The following CDH13 variants were observed in gnomAD, a reference collection of about 807,000 sequenced individuals.
The protein encoded by CDH13 is cadherin-13.
CDH13 carries 24 observed loss-of-function variants against 63.8 expected under a neutral mutation model. That is an observed-to-expected ratio of 0.38 (90% CI 0.27 to 0.53). The LOEUF is 0.53. CDH13 is among the 20% of genes least tolerant of loss of function. The pLI is 0.85. For missense variants in CDH13, 1,049 were observed against 903.1 expected, an observed-to-expected ratio of 1.16 and a Z score of -2.07; for synonymous variants, 503 against 355.3, an observed-to-expected ratio of 1.42 and a Z score of -4.67.
intron 4 of CDH13, among the ~76,000 whole-genome samples, chr16:83,138,625 A>C (rs1169268659): frequency 6.6e-6 from 1 of 152,232 alleles, no homozygotes; most frequent in Non-Finnish European, 1.5e-5. Context: ...CTGGAAGAGG[A>C]AAAATTGTAA....
chr16:82,838,609 C>T lies in CDH13; in HGVS notation c.46-19753C>T, dbSNP rs150019480. ...CAAATCTCATCTTTCCTCAATTGTG[C>T]CTTCTCTGCATGAGCCTAATTTGAA... On this transcript the variant is annotated intron_variant, in intron 1 of 13. Transcript: ENST00000567109. Among the ~76,000 whole-genome samples the T allele has an allele frequency of 3.6e-3, 541 of 152,256 alleles. 1 individual carries two copies. The highest frequency in any genetic ancestry group is 0.01 in the Middle Eastern group (3 of 294).
intron 4 of CDH13, among the ~76,000 whole-genome samples, chr16:83,209,862 G>A (rs72802221): frequency 7.9e-5 from 12 of 152,010 alleles, no homozygotes; most frequent in South Asian, 4.2e-4. Flanking sequence ...AGTAATCGCC[G>A]GCACCAAGTC....
In CDH13 at chr16:82,913,623, C is replaced by T. The variant is rs375785512; in HGVS notation, c.157+55150C>T. On this transcript the variant is annotated intron_variant, in intron 2 of 13. Coordinates refer to ENST00000567109, the MANE Select transcript of CDH13 (RefSeq NM_001257.5). The stretch of plus-strand genomic sequence containing the variant: ...CCACAGAGGCCAGCAGAGCAGGTAA[C>T]CAGGCACAAGATGCGATCGCTGACG... 3.3e-5 allele frequency among the ~76,000 whole-genome samples: 5 copies of T among 152,196 alleles called. No individual in the cohort carries two copies. The South Asian group carries it at 8.3e-4, about 25-fold the overall frequency.
In CDH13 at chr16:83,486,462, G is replaced by C. The variant is rs1248188054; in HGVS notation, c.782-15G>C. On this transcript the variant is annotated splice_polypyrimidine_tract_variant and intron_variant, in intron 6 of 13. Transcript: ENST00000567109. ...ATTGATAACCATTCCGTGCCTTTCT[G>C]TCTTGCCCCGGTAGGCACCACAGTG... is the stretch of plus-strand genomic sequence containing the variant. The C allele has an allele frequency of 6.2e-7, 1 of 1,607,988 alleles. No individual in the cohort carries two copies. Among genetic ancestry groups the C allele is most frequent in the African/African-American group, 1.3e-5 (1 of 74,872 alleles).
At chr16:83,073,304 C>G (rs971759393) in intron 3 of CDH13, among the ~76,000 whole-genome samples, 2 of 150,816 alleles carry the variant, frequency 1.3e-5, no homozygotes, top group African/African-American at 4.9e-5. Flanking sequence ...AATGGGCTCT[C>G]TCTTTGGGGT....
At chr16:83,359,725 A>G (rs1222058377) in intron 6 of CDH13, among the ~76,000 whole-genome samples, 1 of 152,214 alleles carries the variant, frequency 6.6e-6, no homozygotes, top group Non-Finnish European at 1.5e-5. Context: ...ATTTGTCACA[A>G]ATTTGCAATT....
intron 8 of CDH13, among the ~76,000 whole-genome samples, chr16:83,655,446 A>T (rs774286848): frequency 1.4e-4 from 22 of 152,232 alleles, no homozygotes; most frequent in Non-Finnish European, 2.8e-4. Context: ...GGCACTGAGC[A>T]GAGGCCCGAA....
At chr16:82,937,757 A>G (rs2042716644) in intron 2 of CDH13, among the ~76,000 whole-genome samples, 1 of 152,244 alleles carries the variant, frequency 6.6e-6, no homozygotes. Context: ...CTGTTTGTCC[A>G]CATATAACCT....
At chr16:83,210,445 A>G (rs750173858) in intron 4 of CDH13, among the ~76,000 whole-genome samples, 7 of 152,090 alleles carry the variant, frequency 4.6e-5, no homozygotes, top group Non-Finnish European at 1.0e-4. Context: ...TGCAATTAGG[A>G]CAGGAGATGG....
In CDH13 at chr16:83,014,617, G is replaced by T. The variant is rs868689585; in HGVS notation, c.158-17393G>T. Among the ~76,000 whole-genome samples, 5 of 150,124 alleles carry T rather than the reference G, an allele frequency of 3.3e-5. No homozygotes were observed. The Middle Eastern group carries it at 0.01, about 308-fold the overall frequency. ...GTGGTGGCCCATGCCTGTAATTCTA[G>T]CTACTTGGGAGGCTGAGGCAGGAGA... On this transcript the variant is annotated intron_variant, in intron 2 of 13. Transcript: ENST00000567109.
chr16:83,482,479 G>T (rs118055947), intron 6 of CDH13, among the ~76,000 whole-genome samples: 1 of 152,218 alleles, frequency 6.6e-6, no homozygotes, highest in Non-Finnish European at 1.5e-5. Context: ...CTTGCTTTGC[G>T]GTGTTTGCCA....
chr16:83,315,642 A>T (rs1488357729), intron 5 of CDH13, among the ~76,000 whole-genome samples: 2 of 67,996 alleles, frequency 2.9e-5, no homozygotes, highest in African/African-American at 1.1e-4. Context: ...CTCTGGATTT[A>T]AAAAAAAAAA....
intron 4 of CDH13, among the ~76,000 whole-genome samples, chr16:83,132,074 A>G (rs1350516214): frequency 1.3e-5 from 2 of 152,188 alleles, no homozygotes; most frequent in African/African-American, 4.8e-5. Flanking sequence ...ACCTATGCGA[A>G]TAGGTGCCAA....
intron 1 of CDH13, among the ~76,000 whole-genome samples, chr16:82,712,923 T>C (rs1310474603): frequency 1.3e-5 from 2 of 152,110 alleles, no homozygotes; most frequent in Non-Finnish European, 1.5e-5. Context: ...ACTTGTCCTA[T>C]CTCCTCTCCT....
intron 10 of CDH13, among the ~76,000 whole-genome samples, chr16:83,742,945 T>G (rs1475433188): frequency 6.6e-6 from 1 of 152,182 alleles, no homozygotes; most frequent in Non-Finnish European, 1.5e-5. Flanking sequence ...CGGTGGCTCA[T>G]GCCTGTAATC....
At chr16:83,738,194 C>A (rs1390980778) in intron 10 of CDH13, among the ~76,000 whole-genome samples, 1 of 152,172 alleles carries the variant, frequency 6.6e-6, no homozygotes. Flanking sequence ...TATCCTGTCT[C>A]CCTGCTGGAG....
chr16:83,234,119 GC>G (rs2040080285), intron 5 of CDH13, among the ~76,000 whole-genome samples: 1 of 152,212 alleles, frequency 6.6e-6, no homozygotes. Context: ...ACCCCCAGGG[GC>G]AACCCTAGAT....
At chr16:82,672,768 T>TACACAC (rs58819198) in intron 1 of CDH13, among the ~76,000 whole-genome samples, 4,384 of 144,616 alleles carry the variant, frequency 0.03, 93 homozygotes, top group East Asian at 0.084. Flanking sequence ...TATATATGTG[T>TACACAC]ACACACACAC....
intron 10 of CDH13, among the ~76,000 whole-genome samples, chr16:83,700,254 G>A (rs572107126): frequency 3.3e-4 from 51 of 152,284 alleles, no homozygotes; most frequent in Non-Finnish European, 5.0e-4. Context: ...TGTCACCTGT[G>A]TCACCAGTTA....
Sources: allele counts gnomAD v4.1 joint callset (sites outside exome capture counted in the v4.1 genomes callset), GRCh38; gene constraint gnomAD v4.1.1; transcripts MANE v1.5; gene names NCBI Gene and HGNC (gene_info 2026-07-23, HGNC 2026-07-21).